Variants in DNAH8 observed in about 807,000 individuals in gnomAD.
The protein encoded by DNAH8 is dynein axonemal heavy chain 8, also known as axonemal beta dynein heavy chain 8.
A neutral mutation model predicts 562.1 loss-of-function variants in DNAH8; 382 were observed. The ratio of observed to expected loss-of-function variants is 0.68; its 90% confidence interval spans 0.63 to 0.74. The LOEUF is 0.74. DNAH8 is among the 30% of genes least tolerant of loss of function. The pLI is 0.00. For missense variants in DNAH8, 5,203 were observed against 5,620.4 expected (o/e 0.93, Z 2.37); for synonymous variants, 1,881 against 1,919.4 (o/e 0.98, Z 0.52).
chr6:38,772,230 G>A (rs1302355986), intron 12 of DNAH8, among the ~76,000 whole-genome samples: 3 of 151,836 alleles, frequency 2.0e-5, no homozygotes, highest in South Asian at 2.1e-4. Flanking sequence ...GGGTTTCACC[G>A]TGTTAACCAG....
chr6:39,030,620 T>A lies in DNAH8; in HGVS notation c.*228T>A. 1 of 466,790 alleles carries A rather than the reference T, an allele frequency of 2.1e-6. No individual in the cohort carries two copies. Among genetic ancestry groups the A allele is most frequent in the Non-Finnish European group, 3.8e-6 (1 of 264,406 alleles). 28.9% of individuals were successfully genotyped at this position (466,790 alleles called of 1,614,324 possible). ...TTTATTCTGGGAAATCATATTTCACTATAATTACTTTTTAAAGATAAAACC... is the reference window on the plus strand; with the variant it reads ...TTTATTCTGGGAAATCATATTTCACAATAATTACTTTTTAAAGATAAAACC... On this transcript the variant is annotated 3_prime_UTR_variant, in exon 93 of 93. Coordinates refer to ENST00000327475, the MANE Select transcript of DNAH8 (RefSeq NM_001206927.2).
intron 9 of DNAH8, among the ~76,000 whole-genome samples, chr6:38,754,730 G>C (rs1041582407): frequency 6.6e-6 from 1 of 151,942 alleles, no homozygotes; most frequent in Non-Finnish European, 1.5e-5. Context: ...CTTAGGCAAG[G>C]GACTTAACTT....
intron 61 of DNAH8, among the ~76,000 whole-genome samples, chr6:38,899,485 T>C (rs943922875): frequency 6.6e-6 from 1 of 152,212 alleles, no homozygotes; most frequent in Non-Finnish European, 1.5e-5. Flanking sequence ...ATAATAAAAT[T>C]CTACATGCGT....
At chr6:38,752,957 C>T (rs921280055) in intron 9 of DNAH8, among the ~76,000 whole-genome samples, 4 of 151,772 alleles carry the variant, frequency 2.6e-5, no homozygotes, top group East Asian at 1.9e-4. Flanking sequence ...ATTTTAGATT[C>T]GGGGGTACAT....
chr6:39,014,619 T>A (rs1766445223), intron 91 of DNAH8, among the ~76,000 whole-genome samples: 1 of 152,122 alleles, frequency 6.6e-6, no homozygotes, highest in Non-Finnish European at 1.5e-5. Flanking sequence ...ACAGAGAGAT[T>A]AATTCTGCCA....
At chr6:39,028,600 A>G (rs932434785) in intron 92 of DNAH8, among the ~76,000 whole-genome samples, 1 of 152,152 alleles carries the variant, frequency 6.6e-6, no homozygotes, top group Non-Finnish European at 1.5e-5. Context: ...CAAAGTCCCT[A>G]TTTCCAAATA....
intron 29 of DNAH8, among the ~76,000 whole-genome samples, chr6:38,826,710 C>G (rs1490686838): frequency 6.6e-6 from 1 of 152,202 alleles, no homozygotes; most frequent in Non-Finnish European, 1.5e-5. Context: ...TCAATCCCAA[C>G]ATGTTAGGCA....
chr6:38,900,004 T>A, intron 62 of DNAH8, 98 bp downstream of exon 62: 3 of 1,114,916 alleles, frequency 2.7e-6, no homozygotes, highest in Middle Eastern at 2.5e-4. Flanking sequence ...CTGTATTTCT[T>A]TTTAAGGTAA....
chr6:38,759,987 C>T (rs1222263132), intron 10 of DNAH8, among the ~76,000 whole-genome samples: 2 of 152,176 alleles, frequency 1.3e-5, no homozygotes, highest in Admixed American at 1.3e-4. Context: ...AAGTCTCTTG[C>T]TTTGCAAGTA....
At chr6:38,813,921 A>G in intron 24 of DNAH8, 133 bp from the exon 25 acceptor site, 1 of 715,730 alleles carries the variant, frequency 1.4e-6, no homozygotes, top group South Asian at 1.6e-5. Flanking sequence ...GTTCTGTTAT[A>G]AGTAATATTC....
At chr6:38,779,894 G>T in intron 14 of DNAH8, 72 bp from the exon 15 acceptor site, 1 of 1,366,734 alleles carries the variant, frequency 7.3e-7, no homozygotes, top group South Asian at 1.2e-5. Context: ...ATGAATGGAT[G>T]GTTAGTATGA....
intron 30 of DNAH8, among the ~76,000 whole-genome samples, chr6:38,829,840 G>A (rs779449682): frequency 1.3e-5 from 2 of 152,088 alleles, no homozygotes; most frequent in Non-Finnish European, 2.9e-5. Context: ...ACATTGCTGT[G>A]CAACCAATCT....
intron 3 of DNAH8, among the ~76,000 whole-genome samples, chr6:38,726,222 CCTT>C (rs1451279288): frequency 4.6e-5 from 7 of 152,172 alleles, no homozygotes; most frequent in Admixed American, 4.6e-4. Flanking sequence ...AATCCCTAGA[CCTT>C]CTGCAAAGAG....
intron 58 of DNAH8, among the ~76,000 whole-genome samples, chr6:38,894,498 A>T (rs928059680): frequency 6.6e-6 from 1 of 152,216 alleles, no homozygotes; most frequent in East Asian, 1.9e-4. Flanking sequence ...CATCCTATCC[A>T]AGAGATTATG....
chr6:38,818,788 T>TTG (rs1772548840), intron 26 of DNAH8, among the ~76,000 whole-genome samples: 1 of 152,246 alleles, frequency 6.6e-6, no homozygotes, highest in African/African-American at 2.4e-5. Flanking sequence ...GTCTGTATTC[T>TTG]TGTCTGGACT....
intron 22 of DNAH8, among the ~76,000 whole-genome samples, chr6:38,804,170 C>T (rs1028981020): frequency 2.6e-5 from 4 of 152,010 alleles, no homozygotes; most frequent in Non-Finnish European, 4.4e-5. Context: ...TTAATAAGCC[C>T]GAGAGAGAAG....
intron 8 of DNAH8, among the ~76,000 whole-genome samples, chr6:38,742,845 G>A (rs1171126054): frequency 6.6e-6 from 1 of 151,884 alleles, no homozygotes; most frequent in African/African-American, 2.4e-5. Flanking sequence ...ATGCACAAAT[G>A]ACATAGTTTA....
chr6:38,876,960 T>A (rs1457600956), intron 53 of DNAH8, among the ~76,000 whole-genome samples: 1 of 152,222 alleles, frequency 6.6e-6, no homozygotes, highest in East Asian at 1.9e-4. Context: ...TTGTATTACA[T>A]GTGTTAGATG....
At chr6:38,920,848 T>G (rs79408566) in intron 70 of DNAH8, among the ~76,000 whole-genome samples, 1,584 of 152,324 alleles carry the variant, frequency 0.01, 25 homozygotes, top group South Asian at 0.041. Context: ...TCCTCCTTTC[T>G]ATACATTGCT....
Sources: gnomAD v4.1 joint callset for allele counts (sites outside exome capture counted in the v4.1 genomes callset) on GRCh38, gnomAD v4.1.1 for gene constraint, MANE v1.5 for transcripts, NCBI Gene and HGNC (gene_info 2026-07-23, HGNC 2026-07-21) for gene names.